Variants in NYAP2 observed in about 807,000 individuals in gnomAD.
NYAP2 encodes the protein neuronal tyrosine-phosphorylated phosphoinositide-3-kinase adaptor 2.
A neutral mutation model predicts 50.4 loss-of-function variants in NYAP2; 23 were observed. The ratio of observed to expected loss-of-function variants is 0.46; its 90% CI spans 0.33 to 0.65. The LOEUF is 0.65. Among genes scored for constraint, NYAP2 ranks in the 30% least tolerant of loss-of-function variants. The pLI is 0.02. For synonymous variants in NYAP2, 394 were observed against 365.2 expected, an observed-to-expected ratio of 1.08 and a Z score of -0.90; for missense variants, 885 against 861.0, an observed-to-expected ratio of 1.03 and a Z score of -0.35.
Position 225,615,860 on chromosome 2 carries a change from G to A in NYAP2, c.1619-11057G>A, listed in dbSNP as rs969746310. 1.1e-4 allele frequency among the ~76,000 whole-genome samples: 17 copies of A among 152,140 alleles called. 1 individual carries two copies. The highest frequency in any genetic ancestry group is 3.9e-4 in the African/African-American group (16 of 41,408). On this transcript the variant is annotated intron_variant, in intron 5 of 6. Coordinates refer to ENST00000636099, the Ensembl canonical transcript of NYAP2. ...AGTTTCTAAGGAAAAGAGAGCAAAG[G>A]CCCTGTGCCTCCACCACGAAAGAGC...
chr2:225,550,025 G>GA lies in NYAP2; in HGVS notation c.524-31907dup, dbSNP rs1029112671. Among the ~76,000 whole-genome samples, 228 of 147,758 alleles carry GA rather than the reference G, an allele frequency of 1.5e-3. 1 individual carries two copies. The highest frequency in any genetic ancestry group is 5.2e-3 in the African/African-American group (211 of 40,418). On this transcript the variant is annotated intron_variant, in intron 4 of 6. Coordinates refer to ENST00000636099, the Ensembl canonical transcript of NYAP2. ...TAAATAAATAAAAAATAGAGAGAGA[G>GA]AAAAAAAAAGAAAACAATCCATGTG... is the stretch of plus-strand genomic sequence containing the variant.
exon 7 of NYAP2, chr2:225,652,243 A>G (rs553104218): frequency 6.6e-6 from 1 of 152,286 alleles, no homozygotes; most frequent in Admixed American, 6.5e-5. Context: ...CTAGATATTT[A>G]ACAAAAACTG....
At chr2:225,412,957 C>T (rs1293261289) in intron 3 of NYAP2, among the ~76,000 whole-genome samples, 1 of 152,178 alleles carries the variant, frequency 6.6e-6, no homozygotes, top group South Asian at 2.1e-4. Flanking sequence ...CAGTCATTTG[C>T]GGGCCATGCC....
In NYAP2 at chr2:225,582,553, C is replaced by T. The variant is rs776044334; in HGVS notation, c.1136C>T (p.Ser379Leu). 2.5e-6 allele frequency: 4 copies of T among 1,581,926 alleles called. No homozygotes were observed. The highest frequency in any genetic ancestry group is 1.7e-6 in the Non-Finnish European group (2 of 1,164,550). Reference sequence around the variant, plus strand: ...TACATGAAACAGCCAGCCGGGGCGTCGCCCTCCACGCTGCCGTCCCACGTC... The same window carrying T: ...TACATGAAACAGCCAGCCGGGGCGTTGCCCTCCACGCTGCCGTCCCACGTC... Residue 379 changes from serine to leucine, a missense_variant, in exon 5 of 7, where the codon TCG becomes TTG. By Grantham distance (145) the Ser-to-Leu change is moderately radical. Transcript: ENST00000636099. The surrounding 1 kb of genome is among the most constrained non-coding windows in gnomAD (Gnocchi z 7.0).
chr2:225,532,649 A>C (rs555494961), intron 4 of NYAP2, among the ~76,000 whole-genome samples: 4 of 147,350 alleles, frequency 2.7e-5, no homozygotes, highest in African/African-American at 8.1e-5. Flanking sequence ...ATTTTAGTTT[A>C]TTTCTTTCTT....
Position 225,594,318 on chromosome 2 carries a change from G to A in NYAP2, c.1618+11283G>A, listed in dbSNP as rs142837129. 9.1e-4 allele frequency among the ~76,000 whole-genome samples: 139 copies of A among 152,232 alleles called. No homozygotes were observed. The East Asian group carries it at 0.022, about 24-fold the overall frequency. ...GAGGGCATATCACTTGAGGTCAGGA[G>A]TTTGAGACCAGCCTGGCCAACGTGG... On this transcript the variant is annotated intron_variant, in intron 5 of 6. Transcript: ENST00000636099.
At chr2:225,574,146 G>A (rs555310826) in intron 4 of NYAP2, among the ~76,000 whole-genome samples, 134 of 152,200 alleles carry the variant, frequency 8.8e-4, no homozygotes, top group Admixed American at 1.4e-3. Context: ...TCTTGGTGCA[G>A]TTTCTCAGGC....
chr2:225,407,311 A>G (rs1694957961), intron 2 of NYAP2, among the ~76,000 whole-genome samples: 1 of 152,060 alleles, frequency 6.6e-6, no homozygotes. Flanking sequence ...CAATTACACC[A>G]GATAGTTGGA....
intron 3 of NYAP2, among the ~76,000 whole-genome samples, chr2:225,512,634 T>C (rs959961616): frequency 2.7e-5 from 4 of 146,950 alleles, no homozygotes; most frequent in African/African-American, 9.9e-5. Flanking sequence ...CTTTTTCTCC[T>C]TCCTTCCTTC....
At chr2:225,603,665 T>A (rs1349490080) in intron 5 of NYAP2, among the ~76,000 whole-genome samples, 1 of 152,124 alleles carries the variant, frequency 6.6e-6, no homozygotes, top group Non-Finnish European at 1.5e-5. Context: ...TCTCAATGAT[T>A]TTTTTGGGTT....
chr2:225,517,226 A>G (rs1690952630), intron 4 of NYAP2, among the ~76,000 whole-genome samples: 1 of 152,196 alleles, frequency 6.6e-6, no homozygotes, highest in Non-Finnish European at 1.5e-5. Context: ...GGCAATCAGT[A>G]TACTATAAAT....
chr2:225,677,778 T>G, the NYAP2 span, among the ~76,000 whole-genome samples: 6 of 152,168 alleles, frequency 3.9e-5, no homozygotes, highest in East Asian at 1.2e-3. Flanking sequence ...TTGATCATCT[T>G]AAATTAATTT....
At position 225,634,462 on chromosome 2, in the gene NYAP2, T is replaced by C. The variant is rs1314454558; in HGVS notation, c.1828+7336T>C. 2.6e-5 allele frequency among the ~76,000 whole-genome samples: 4 copies of C among 152,238 alleles called. No homozygotes were observed. The East Asian group carries it at 7.7e-4, about 29-fold the overall frequency. On this transcript the variant is annotated intron_variant, in intron 6 of 6. Transcript: ENST00000636099. ...CATTGTAGGGAAGCATTTTCCATCA[T>C]CATTTATGATTCAGTCCTTCATATC...
chr2:225,469,271 C>G (rs1203732391), intron 3 of NYAP2, among the ~76,000 whole-genome samples: 1 of 152,162 alleles, frequency 6.6e-6, no homozygotes, highest in African/African-American at 2.4e-5. Context: ...AAATGCTTGT[C>G]ATCACTGGTT....
intron 5 of NYAP2, among the ~76,000 whole-genome samples, chr2:225,619,066 T>C (rs545073985): frequency 1.3e-5 from 2 of 152,320 alleles, no homozygotes; most frequent in East Asian, 3.9e-4. Flanking sequence ...AGAAGGGTAA[T>C]CTATGTCACT....
the NYAP2 span, chr2:225,702,089 C>T: frequency 2.6e-5 from 4 of 151,584 alleles, no homozygotes; most frequent in Non-Finnish European, 5.9e-5. Context: ...AATTAAGAAA[C>T]AATTCCTACG....
intron 4 of NYAP2, among the ~76,000 whole-genome samples, chr2:225,564,475 G>A (rs1691928085): frequency 1.3e-5 from 2 of 151,734 alleles, no homozygotes; most frequent in South Asian, 2.1e-4. Context: ...TGTCCTAGAC[G>A]AAACCATTTT....
At chr2:225,575,875 T>C (rs1397915498) in intron 4 of NYAP2, among the ~76,000 whole-genome samples, 1 of 152,238 alleles carries the variant, frequency 6.6e-6, no homozygotes, top group East Asian at 1.9e-4. Flanking sequence ...AGGGAATTTC[T>C]ATATGCTTAA....
intron 6 of NYAP2, among the ~76,000 whole-genome samples, chr2:225,650,298 C>A (rs1693708556): frequency 1.3e-5 from 2 of 152,194 alleles, no homozygotes; most frequent in Admixed American, 6.5e-5. Flanking sequence ...GGATAGTGCA[C>A]CTCCCCAGCG....
Sources: gnomAD v4.1 joint callset for allele counts (sites outside exome capture counted in the v4.1 genomes callset) on GRCh38, gnomAD v4.1.1 for gene constraint, Gnocchi (gnomAD v3.1) non-coding constraint, MANE v1.5 for transcripts, NCBI Gene and HGNC (gene_info 2026-07-23, HGNC 2026-07-21) for gene names.